Variants in PARVB observed in about 807,000 individuals in gnomAD.
PARVB encodes the protein beta-parvin.
In PARVB, 46 loss-of-function variants were observed where a neutral mutation model predicts 47.0. The ratio of observed to expected loss-of-function variants is 0.98; its 90% CI spans 0.77 to 1.25. PARVB has a LOEUF of 1.25. Among genes scored for constraint, PARVB ranks in the 50% most tolerant of loss-of-function variants. The pLI is 0.00. For synonymous variants in PARVB, 196 were observed against 196.3 expected (o/e 1.00, Z 0.01); for missense variants, 473 against 471.6 (o/e 1.00, Z -0.03).
intron 7 of PARVB, among the ~76,000 whole-genome samples, chr22:44,138,533 C>T (rs974318826): frequency 5.9e-5 from 9 of 152,194 alleles, no homozygotes; most frequent in African/African-American, 1.4e-4. Flanking sequence ...TTCCCCTCCC[C>T]GTGGCTGCGG....
upstream of PARVB, among the ~76,000 whole-genome samples, chr22:44,020,439 G>C (rs2050634334): frequency 6.6e-6 from 1 of 152,154 alleles, no homozygotes; most frequent in South Asian, 2.1e-4. Flanking sequence ...CTCCCATAGT[G>C]TTGGGCTCTC....
rs1367123234 is a variant in PARVB at position 44,068,303 on chromosome 22, G to A, written c.113-25625G>A. ...TCATTGTTAATAACCCCTTTTTACC[G>A]ACGAGGAACCCAGACCAGACAGAGA... On this transcript the variant is annotated intron_variant, in intron 1 of 12. Coordinates refer to ENST00000338758, the MANE Select transcript of PARVB (RefSeq NM_013327.5). The surrounding 1 kb of genome is among the most constrained non-coding windows in gnomAD (Gnocchi z 4.1). Among the ~76,000 whole-genome samples the A allele has an allele frequency of 6.6e-6, 1 of 152,100 alleles. No homozygotes were observed. The highest frequency in any genetic ancestry group is 6.5e-5 in the Admixed American group (1 of 15,272).
chr22:44,021,756 G>GACACACAC (rs1315040117), upstream of PARVB, among the ~76,000 whole-genome samples: 67 of 105,096 alleles, frequency 6.4e-4, 1 homozygote, highest in African/African-American at 2.1e-3. Flanking sequence ...GTAAAGTCTA[G>GACACACAC]ACTCACACAC....
upstream of PARVB, among the ~76,000 whole-genome samples, chr22:44,023,939 A>G (rs73436607): frequency 0.018 from 2,728 of 152,296 alleles, 82 homozygotes; most frequent in African/African-American, 0.059. Context: ...AAGCTTAACA[A>G]CAGACCGGCC....
In PARVB at chr22:44,151,486, C is replaced by G; in HGVS notation, c.778C>G (p.Leu260Val). 2 of 1,613,494 alleles carry G rather than the reference C, an allele frequency of 1.2e-6. No homozygotes were observed. Among genetic ancestry groups the G allele is most frequent in the Non-Finnish European group, 1.7e-6 (2 of 1,179,434 alleles). ...GTGTCTCTTTTATTCTTGGCAGTCT[C>G]TCATCACTTTTGTGAACAAGCACCT... ...PDKLSVVKKS[L>V]ITFVNKHLNK... is the part of the protein sequence containing the mutation. Residue 260 changes from leucine to valine, a missense_variant, in exon 10 of 13, where the codon CTC becomes GTC. Leu to Val is a conservative substitution (Grantham distance 32, BLOSUM62 1). Coordinates refer to ENST00000338758, the MANE Select transcript of PARVB (RefSeq NM_013327.5).
chr22:44,087,667 T>TG (rs1405848400), intron 1 of PARVB, among the ~76,000 whole-genome samples: 2 of 151,740 alleles, frequency 1.3e-5, no homozygotes, highest in Non-Finnish European at 2.9e-5. Flanking sequence ...GGAAAGAGCC[T>TG]GGGCATAAAT....
upstream of PARVB, among the ~76,000 whole-genome samples, chr22:44,022,640 A>G (rs2146872641): frequency 6.6e-6 from 1 of 152,220 alleles, no homozygotes; most frequent in Admixed American, 6.5e-5. Context: ...CCACACACCC[A>G]GAGCTGAACC....
chr22:44,048,772 G>C (rs1272050443), intron 1 of PARVB, among the ~76,000 whole-genome samples: 1 of 152,124 alleles, frequency 6.6e-6, no homozygotes, highest in Non-Finnish European at 1.5e-5. Flanking sequence ...ATGTTGGTCA[G>C]GCTGGTCTCA....
rs372656303 is a variant in PARVB, at chr22:44,100,299, C to T, written c.273+176C>T. 1.6e-4 allele frequency among the ~76,000 whole-genome samples: 24 copies of T among 152,244 alleles called. No homozygotes were observed. In the East Asian group the frequency reaches 4.3e-3, roughly 27 times the overall value. On this transcript the variant is annotated intron_variant, in intron 3 of 12. Transcript: ENST00000338758. ...GGAGGACGGCAGAGAGGATCCAGCC[C>T]GAAGTGCCAAGCGCCTCCCATGTGC...
intron 2 of PARVB, among the ~76,000 whole-genome samples, chr22:44,007,915 T>TA (rs1227774689): frequency 6.6e-6 from 1 of 152,200 alleles, no homozygotes; most frequent in Non-Finnish European, 1.5e-5. Context: ...AGCAGGATCA[T>TA]ACAGTATGTG....
At chr22:44,136,085 G>A (rs150067814) in intron 6 of PARVB, among the ~76,000 whole-genome samples, 78 of 152,336 alleles carry the variant, frequency 5.1e-4, no homozygotes, top group African/African-American at 1.9e-3. Context: ...TGCAGGGGAT[G>A]TTCCCTGTTA....
chr22:44,168,477 T>C (rs1243303633), intron 12 of PARVB, 125 bp from the exon 13 acceptor site: 4 of 691,298 alleles, frequency 5.8e-6, no homozygotes, highest in Non-Finnish European at 1.1e-5. Flanking sequence ...TGGCCAGTCT[T>C]TAAGGGGAAG....
intron 2 of PARVB, among the ~76,000 whole-genome samples, chr22:44,098,315 A>G (rs1328871975): frequency 6.6e-6 from 1 of 152,152 alleles, no homozygotes; most frequent in Non-Finnish European, 1.5e-5. Flanking sequence ...TGGGTCACAC[A>G]GGCACACAAA....
chr22:44,132,800 A>T (rs1289843885), intron 5 of PARVB, 94 bp from the exon 6 acceptor site: 1 of 781,462 alleles, frequency 1.3e-6, no homozygotes, highest in Admixed American at 2.0e-5. Context: ...CTGGGGTCTC[A>T]TTTAGATGCT....
intron 9 of PARVB, chr22:44,148,589 C>A (rs1466716498): frequency 6.3e-6 from 1 of 157,976 alleles, no homozygotes; most frequent in African/African-American, 2.4e-5. Context: ...CTCATTTCAA[C>A]CCATGGTGCA....
rs928747968 is a variant in PARVB at position 44,164,008 on chromosome 22, A to C, written c.1018+78A>C. On this transcript the variant is annotated intron_variant, in intron 12 of 12. Transcript: ENST00000338758. ...AAAACGGGTCCTAGAAGTGGCTGGA[A>C]GGCTGGCATGTTGTTCCCCAGATGG... 2.6e-6 allele frequency: 3 copies of C among 1,136,912 alleles called. No individual in the cohort carries two copies. The African/African-American group carries it at 4.6e-5, about 18-fold the overall frequency. 70.4% of individuals were successfully genotyped at this position (1,136,912 alleles called of 1,614,324 possible).
At chr22:44,065,199 TC>T (rs1193723224) in intron 1 of PARVB, among the ~76,000 whole-genome samples, 1 of 152,056 alleles carries the variant, frequency 6.6e-6, no homozygotes, top group Non-Finnish European at 1.5e-5. Context: ...TGCTTCGTCT[TC>T]CCCAGATGAA....
chr22:44,082,235 T>G (rs538294565), intron 1 of PARVB, among the ~76,000 whole-genome samples: 1 of 152,228 alleles, frequency 6.6e-6, no homozygotes, highest in East Asian at 1.9e-4. Flanking sequence ...ATTAAAGAAG[T>G]TGGCCAGGTG....
intron 1 of PARVB, chr22:44,081,696 C>T (rs773434866): frequency 3.4e-4 from 298 of 867,946 alleles, no homozygotes; most frequent in Non-Finnish European, 3.9e-4. Context: ...GGTTCCATTG[C>T]CCCCCGCCTC....
Sources: gnomAD v4.1 joint callset for allele counts (sites outside exome capture counted in the v4.1 genomes callset) on GRCh38, gnomAD v4.1.1 for gene constraint, Gnocchi (gnomAD v3.1) non-coding constraint, MANE v1.5 for transcripts, NCBI Gene and HGNC (gene_info 2026-07-23, HGNC 2026-07-21) for gene names.